The following TRIOBP variants were observed in gnomAD, a reference collection of about 807,000 sequenced individuals.
TRIOBP encodes TRIO and F-actin-binding protein.
In TRIOBP, 169 loss-of-function variants were observed where a neutral mutation model predicts 238.8. The ratio of observed to expected loss-of-function variants is 0.71; its 90% CI spans 0.62 to 0.80. TRIOBP has a LOEUF of 0.80. Ranked by LOEUF, TRIOBP falls within the 30% of genes least tolerant of loss-of-function variation. The pLI is 0.00. For missense variants in TRIOBP, 2,838 were observed against 3,122.6 expected, an observed-to-expected ratio of 0.91 and a Z score of 2.17; for synonymous variants, 1,150 against 1,274.4, an observed-to-expected ratio of 0.90 and a Z score of 2.08.
At chr22:37,749,136 C>T (rs998410176) in intron 11 of TRIOBP, among the ~76,000 whole-genome samples, 3 of 152,034 alleles carry the variant, frequency 2.0e-5, no homozygotes, top group African/African-American at 7.3e-5. Context: ...GGATGGATCA[C>T]TTGAGGTCAG....
rs760320944 is a variant in TRIOBP, at chr22:37,726,453, C to G, written c.3897C>G (p.Thr1299=). ...CGCAGTGCAGCAGCGGGGGCCGCAC[C>G]CACAGCCCTGGCCGTGCAGAGGTGG... is the stretch of plus-strand genomic sequence containing the variant. ...PQAQCSSGGR[T]HSPGRAEVER... is the part of the protein sequence containing the mutation. Residue 1299 remains threonine, a synonymous_variant, in exon 7 of 24, where the codon ACC becomes ACG. Coordinates refer to ENST00000644935, the MANE Select transcript of TRIOBP (RefSeq NM_001039141.3). 6.4e-7 allele frequency: 1 copy of G among 1,570,406 alleles called. No individual in the cohort carries two copies. Among genetic ancestry groups the G allele is most frequent in the South Asian group, 1.1e-5 (1 of 87,192 alleles).
At chr22:37,728,609 G>C (rs1390770648) in intron 7 of TRIOBP, among the ~76,000 whole-genome samples, 1 of 152,082 alleles carries the variant, frequency 6.6e-6, no homozygotes, top group African/African-American at 2.4e-5. Flanking sequence ...AAATTGAGCA[G>C]AAAGTGCAGT....
At chr22:37,751,108 G>A in intron 11 of TRIOBP, 1 of 434,750 alleles carries the variant, frequency 2.3e-6, no homozygotes, top group Non-Finnish European at 4.7e-6. Context: ...TCTAGGCCTG[G>A]GTGGGGGTGC....
chr22:37,721,542 T>A (rs6000867), intron 6 of TRIOBP, among the ~76,000 whole-genome samples: 147,552 of 152,298 alleles, frequency 0.97, 71,514 homozygotes, highest in East Asian at 1. Context: ...CAATGGCACA[T>A]TCTTGGCTCA....
In TRIOBP at chr22:37,753,534, C is replaced by T. The variant is rs985031482; in HGVS notation, c.5380-1343C>T. On this transcript the variant is annotated intron_variant, in intron 12 of 23. Coordinates refer to ENST00000644935, the MANE Select transcript of TRIOBP (RefSeq NM_001039141.3). ...CCTCAGATGATCCACCCTTCTCAGC[C>T]TCCCAAAGTGCTGGGATTATAGGCG... 5.9e-5 allele frequency among the ~76,000 whole-genome samples: 9 copies of T among 152,352 alleles called. 1 individual carries two copies. The highest frequency in any genetic ancestry group is 2.0e-4 in the Admixed American group (3 of 15,304).
intron 9 of TRIOBP, 121 bp downstream of exon 9, chr22:37,735,563 C>G (rs1346308785): frequency 1.5e-5 from 18 of 1,172,750 alleles, no homozygotes; most frequent in Non-Finnish European, 3.7e-6. Flanking sequence ...AGGCTCAGAC[C>G]TCAGCCTCCC....
intron 18 of TRIOBP, among the ~76,000 whole-genome samples, chr22:37,766,219 G>A (rs1337480256): frequency 6.6e-6 from 1 of 152,220 alleles, no homozygotes; most frequent in Non-Finnish European, 1.5e-5. Context: ...GCAGGGGAAG[G>A]TGTGAGCATT....
intron 3 of TRIOBP, among the ~76,000 whole-genome samples, chr22:37,707,580 G>C (rs551998157): frequency 6.6e-6 from 1 of 152,048 alleles, no homozygotes; most frequent in African/African-American, 2.4e-5. Context: ...CTGGACCCTT[G>C]GCCATATTTG....
intron 17 of TRIOBP, among the ~76,000 whole-genome samples, chr22:37,764,668 C>T (rs1348236408): frequency 2.6e-5 from 4 of 152,218 alleles, no homozygotes; most frequent in Admixed American, 6.5e-5. Flanking sequence ...CACCGGACCA[C>T]CCCCAACACA....
intron 17 of TRIOBP, among the ~76,000 whole-genome samples, chr22:37,763,634 C>T (rs984960182): frequency 6.6e-6 from 1 of 152,188 alleles, no homozygotes; most frequent in Non-Finnish European, 1.5e-5. Context: ...GAAATGTTTA[C>T]ATTTTCAAAA....
Position 37,725,750 on chromosome 22 carries a change from T to C in TRIOBP, c.3194T>C (p.Ile1065Thr), listed in dbSNP as rs372787347. The C allele has an allele frequency of 6.6e-5, 106 of 1,612,144 alleles. No individual in the cohort carries two copies. Among genetic ancestry groups the C allele is most frequent in the Non-Finnish European group, 8.4e-5 (99 of 1,179,636 alleles). Reference protein sequence around the residue: ...EPPYIPPAVCIGHRDAPRASS... With the variant: ...EPPYIPPAVCTGHRDAPRASS... The stretch of plus-strand genomic sequence containing the variant: ...CCCTATATACCACCTGCTGTGTGCA[T>C]TGGACACCGAGATGCCCCCCGGGCG... Residue 1065 changes from isoleucine to threonine, a missense_variant, in exon 7 of 24, where the codon ATT becomes ACT. Coordinates refer to ENST00000644935, the MANE Select transcript of TRIOBP (RefSeq NM_001039141.3).
chr22:37,758,691 A>AG (rs924082517), intron 16 of TRIOBP, among the ~76,000 whole-genome samples: 28 of 133,712 alleles, frequency 2.1e-4, no homozygotes, highest in African/African-American at 9.0e-4. Context: ...TTAAAAAAAA[A>AG]AAAGAAGAAG....
chr22:37,753,361 G>A (rs909128165), intron 12 of TRIOBP, among the ~76,000 whole-genome samples: 4 of 151,840 alleles, frequency 2.6e-5, no homozygotes, highest in Admixed American at 1.3e-4. Flanking sequence ...TGTGTCTTCC[G>A]CCTCCCGGGT....
intron 11 of TRIOBP, among the ~76,000 whole-genome samples, chr22:37,749,209 G>A (rs1022410627): frequency 3.3e-5 from 5 of 152,104 alleles, no homozygotes; most frequent in Non-Finnish European, 7.4e-5. Flanking sequence ...AAAAAAATTT[G>A]CTGGACATGG....
chr22:37,715,903 G>A lies in TRIOBP; in HGVS notation c.597G>A (p.Val199=), dbSNP rs1406074650. 1.9e-6 allele frequency: 3 copies of A among 1,613,214 alleles called. No individual in the cohort carries two copies. The highest frequency in any genetic ancestry group is 2.7e-5 in the African/African-American group (2 of 74,916). Residue 199 remains valine (V), a synonymous_variant, in exon 6 of 24, where the codon GTG becomes GTA. Coordinates refer to ENST00000644935, the MANE Select transcript of TRIOBP (RefSeq NM_001039141.3). The part of the protein sequence containing the change: ...RAPSLLTRSP[V]GGDAAGQKKE... ...CGTCTCTCCTCACCAGGTCCCCTGT[G>A]GGAGGAGATGCTGCAGGCCAGAAAA...
intron 3 of TRIOBP, among the ~76,000 whole-genome samples, chr22:37,704,996 C>A (rs1422097531): frequency 6.6e-6 from 1 of 152,080 alleles, no homozygotes; most frequent in Non-Finnish European, 1.5e-5. Flanking sequence ...TTACTGGATC[C>A]CAGGAGTTCA....
At chr22:37,717,860 G>A (rs138151341) in intron 6 of TRIOBP, among the ~76,000 whole-genome samples, 3,384 of 152,348 alleles carry the variant, frequency 0.022, 70 homozygotes, top group Non-Finnish European at 0.034. Flanking sequence ...GCCCTTGGGT[G>A]GTTGATGGGA....
intron 6 of TRIOBP, among the ~76,000 whole-genome samples, chr22:37,716,453 A>G (rs1396912888): frequency 6.7e-6 from 1 of 148,766 alleles, no homozygotes; most frequent in Non-Finnish European, 1.5e-5. Context: ...TTTTGAGATA[A>G]GAGTCTCACA....
At chr22:37,700,522 C>T (rs1922591679) in intron 2 of TRIOBP, among the ~76,000 whole-genome samples, 1 of 151,436 alleles carries the variant, frequency 6.6e-6, no homozygotes. Flanking sequence ...CTCAGGTGAT[C>T]CTCCCAACTT....
Sources: allele counts gnomAD v4.1 joint callset (sites outside exome capture counted in the v4.1 genomes callset), GRCh38; gene constraint gnomAD v4.1.1; transcripts MANE v1.5; gene names NCBI Gene and HGNC (gene_info 2026-07-23, HGNC 2026-07-21).